The following APLF variants were observed in gnomAD, a reference collection of about 807,000 sequenced individuals.
APLF encodes aprataxin and PNK-like factor.
Under a neutral mutation model 55.6 loss-of-function variants are expected in APLF, and 61 were observed. The observed-to-expected ratio is 1.10, with a 90% CI of 0.89 to 1.36. The LOEUF is 1.36. Ranked by LOEUF, APLF falls within the 40% of genes most tolerant of loss-of-function variation. APLF has a pLI of 0.00. For missense variants in APLF, 611 were observed against 602.5 expected, an observed-to-expected ratio of 1.01 and a Z score of -0.15; for synonymous variants, 207 against 214.8, an observed-to-expected ratio of 0.96 and a Z score of 0.32.
At chr2:68,565,114 A>G (rs966273530) in intron 8 of APLF, among the ~76,000 whole-genome samples, 5 of 152,110 alleles carry the variant, frequency 3.3e-5, no homozygotes, top group African/African-American at 1.2e-4. Flanking sequence ...TAGCATTACA[A>G]AGATTCCAGG....
intron 3 of APLF, among the ~76,000 whole-genome samples, chr2:68,503,387 T>C (rs1676781567): frequency 6.6e-6 from 1 of 152,142 alleles, no homozygotes; most frequent in Non-Finnish European, 1.5e-5. Context: ...GATGTCTGGC[T>C]TACAGTTAAA....
At chr2:68,523,916 AT>A (rs540744189) in intron 5 of APLF, among the ~76,000 whole-genome samples, 96 of 151,854 alleles carry the variant, frequency 6.3e-4, no homozygotes, top group South Asian at 1.5e-3. Context: ...GAAAAAAAAA[AT>A]TAGCTCTAGT....
intron 6 of APLF, among the ~76,000 whole-genome samples, chr2:68,531,995 G>C (rs1158567558): frequency 6.6e-6 from 1 of 152,114 alleles, no homozygotes; most frequent in East Asian, 1.9e-4. Context: ...TTCTAGCACA[G>C]GAAAAATAAG....
chr2:68,510,295 C>T (rs920432563), intron 3 of APLF, among the ~76,000 whole-genome samples: 3 of 151,728 alleles, frequency 2.0e-5, no homozygotes, highest in African/African-American at 4.8e-5. Flanking sequence ...TCACATATAA[C>T]AGACTTATAT....
At chr2:68,513,418 C>A in intron 4 of APLF, 130 bp from the exon 5 acceptor site, 1 of 1,272,236 alleles carries the variant, frequency 7.9e-7, no homozygotes, top group Non-Finnish European at 1.1e-6. Context: ...TTTCTTTGTT[C>A]AAGAAATTTT....
intron 3 of APLF, among the ~76,000 whole-genome samples, chr2:68,507,952 T>C (rs914515142): frequency 2.0e-5 from 3 of 151,820 alleles, no homozygotes; most frequent in African/African-American, 7.2e-5. Context: ...TAATCATTGA[T>C]ATTGAAGAAA....
At chr2:68,521,586 A>T (rs1004076023) in intron 5 of APLF, among the ~76,000 whole-genome samples, 1 of 151,908 alleles carries the variant, frequency 6.6e-6, no homozygotes. Flanking sequence ...CTTGATCTCC[A>T]GTTATCTCTG....
intron 1 of APLF, among the ~76,000 whole-genome samples, chr2:68,473,052 G>C (rs1328403734): frequency 6.6e-6 from 1 of 151,982 alleles, no homozygotes; most frequent in Non-Finnish European, 1.5e-5. Flanking sequence ...GTTTACACTG[G>C]GGTTAACTCT....
chr2:68,557,606 T>C (rs1286752117), intron 8 of APLF, among the ~76,000 whole-genome samples: 1 of 152,160 alleles, frequency 6.6e-6, no homozygotes, highest in East Asian at 1.9e-4. Flanking sequence ...ATCAATCTAT[T>C]TGTAGTTAAG....
chr2:68,518,706 A>C (rs1669758002), intron 5 of APLF, among the ~76,000 whole-genome samples: 2 of 125,452 alleles, frequency 1.6e-5, no homozygotes, highest in African/African-American at 3.2e-5. Context: ...TATATCATGA[A>C]TATACAATAA....
chr2:68,565,514 G>GATAGATAGATAGATAGATACATAC (rs60590885), intron 8 of APLF, among the ~76,000 whole-genome samples: 6 of 148,922 alleles, frequency 4.0e-5, no homozygotes, highest in African/African-American at 1.5e-4. Flanking sequence ...TAGACAGATA[G>GATAGATAGATAGATAGATACATAC]ATACATACAT....
At chr2:68,555,854 A>G (rs1670993088) in intron 8 of APLF, among the ~76,000 whole-genome samples, 1 of 152,256 alleles carries the variant, frequency 6.6e-6, no homozygotes, top group Admixed American at 6.5e-5. Flanking sequence ...ACTACTGGGT[A>G]TCTACCCAGA....
At chr2:68,554,107 T>A (rs1249355348) in intron 8 of APLF, among the ~76,000 whole-genome samples, 4 of 152,084 alleles carry the variant, frequency 2.6e-5, no homozygotes, top group Non-Finnish European at 4.4e-5. Context: ...GTTTTATCAC[T>A]GTAGAGCAAG....
chr2:68,514,798 A>G (rs908712894), intron 5 of APLF, among the ~76,000 whole-genome samples: 1 of 151,810 alleles, frequency 6.6e-6, no homozygotes, highest in Non-Finnish European at 1.5e-5. Context: ...CACAAACTTT[A>G]TAGATTATAG....
intron 3 of APLF, among the ~76,000 whole-genome samples, chr2:68,511,779 C>T (rs1377727510): frequency 6.6e-6 from 1 of 151,626 alleles, no homozygotes; most frequent in East Asian, 1.9e-4. Context: ...GATATGTCTC[C>T]AGCACCTGGC....
intron 5 of APLF, among the ~76,000 whole-genome samples, chr2:68,517,666 A>G (rs1669662946): frequency 6.9e-6 from 1 of 145,362 alleles, no homozygotes; most frequent in Non-Finnish European, 1.5e-5. Context: ...TAACGTAACA[A>G]TAATATATCA....
chr2:68,496,804 G>T (rs1333641121), intron 2 of APLF, among the ~76,000 whole-genome samples: 1 of 152,138 alleles, frequency 6.6e-6, no homozygotes, highest in African/African-American at 2.4e-5. Flanking sequence ...TTCCATCTGA[G>T]ACCTCCTTAG....
chr2:68,467,924 A>T, intron 1 of APLF, 97 bp downstream of exon 1: 1 of 945,328 alleles, frequency 1.1e-6, no homozygotes, highest in Non-Finnish European at 1.4e-6. Flanking sequence ...TCCCCACCGC[A>T]CTGGTCCGCC....
At chr2:68,492,174 G>T (rs1676385823) in intron 2 of APLF, among the ~76,000 whole-genome samples, 1 of 152,010 alleles carries the variant, frequency 6.6e-6, no homozygotes, top group African/African-American at 2.4e-5. Flanking sequence ...TACTTTTGTG[G>T]CTATTCAAAA....
Sources: gnomAD v4.1 joint callset for allele counts (sites outside exome capture counted in the v4.1 genomes callset) on GRCh38, gnomAD v4.1.1 for gene constraint, MANE v1.5 for transcripts, NCBI Gene and HGNC (gene_info 2026-07-23, HGNC 2026-07-21) for gene names.